Variants in ELL2 observed in about 807,000 individuals in gnomAD.
The protein encoded by ELL2 is RNA polymerase II elongation factor ELL2.
A neutral mutation model predicts 72.8 loss-of-function variants in ELL2; 21 were observed. The observed-to-expected ratio is 0.29, with a 90% CI of 0.20 to 0.42. ELL2 has a LOEUF of 0.42. Ranked by LOEUF, ELL2 falls within the 10% of genes least tolerant of loss-of-function variation. ELL2 has a pLI of 1.00. For missense variants in ELL2, 568 were observed against 772.8 expected, an observed-to-expected ratio of 0.73 and a Z score of 3.14; for synonymous variants, 266 against 283.2, an observed-to-expected ratio of 0.94 and a Z score of 0.61.
chr5:95,906,393 A>C, intron 5 of ELL2, 130 bp downstream of exon 5: 2 of 960,684 alleles, frequency 2.1e-6, no homozygotes, highest in Non-Finnish European at 3.0e-6. Flanking sequence ...TGTATTTCAC[A>C]TACCACTGAT....
chr5:95,915,990 G>C (rs1365699221), intron 3 of ELL2, among the ~76,000 whole-genome samples: 5 of 151,880 alleles, frequency 3.3e-5, no homozygotes, highest in Admixed American at 2.6e-4. Context: ...TCTGGATGGA[G>C]GATAGATTGA....
rs1748528864 is a variant in ELL2 at position 95,888,229 on chromosome 5, C to T, written c.*642G>A. 1 of 152,574 alleles carries T rather than the reference C, an allele frequency of 6.6e-6. No homozygotes were observed. The highest frequency in any genetic ancestry group is 2.4e-5 in the African/African-American group (1 of 41,402). The allele number at this position is 152,574 out of a possible 1,614,324, so 9.5% of individuals were successfully genotyped here. A position where few individuals can be genotyped will look rare whatever the true frequency, so the allele number is the denominator to read the frequency against. On this transcript the variant is annotated 3_prime_UTR_variant, in exon 12 of 12. Transcript: ENST00000237853. ...ACACTATGTACACAACTAGCAAACA[C>T]CTTAAGGCAACCATTGCAATGGGGG...
Position 95,888,816 on chromosome 5 carries a change from G to A in ELL2, c.*55C>T. On this transcript the variant is annotated 3_prime_UTR_variant, in exon 12 of 12. Coordinates refer to ENST00000237853, the MANE Select transcript of ELL2 (RefSeq NM_012081.6). Reference sequence around the variant, plus strand: ...TTTAGAATCTAGAGCAACTCATTTGGAATTTTAAATAAATAAGCTTAAGTT... The same window carrying A: ...TTTAGAATCTAGAGCAACTCATTTGAAATTTTAAATAAATAAGCTTAAGTT... 1 of 1,305,960 alleles carries A rather than the reference G, an allele frequency of 7.7e-7. No individual in the cohort carries two copies. Among genetic ancestry groups the A allele is most frequent in the Non-Finnish European group, 1.0e-6 (1 of 953,318 alleles). 80.9% of individuals were successfully genotyped at this position (1,305,960 alleles called of 1,614,324 possible). A position where few individuals can be genotyped will look rare whatever the true frequency, so the allele number is the denominator to read the frequency against.
chr5:95,920,718 C>T (rs1298274075), intron 2 of ELL2, among the ~76,000 whole-genome samples: 2 of 152,074 alleles, frequency 1.3e-5, no homozygotes, highest in Non-Finnish European at 2.9e-5. Flanking sequence ...GTGTCTGAAA[C>T]CTTTCCTCCC....
chr5:95,909,855 G>A (rs1247412285), intron 4 of ELL2, among the ~76,000 whole-genome samples: 2 of 152,176 alleles, frequency 1.3e-5, no homozygotes, highest in Non-Finnish European at 2.9e-5. Context: ...AGTCTGAAAG[G>A]AAGGTGTTAA....
chr5:95,954,715 C>T lies in ELL2; in HGVS notation c.147+6860G>A, dbSNP rs193140487. The stretch of plus-strand genomic sequence containing the variant: ...TAGGCCTCCCAAAGTGCTGGGATTA[C>T]AGGCATGAGCCACTGCGCCCGGCCA... On this transcript the variant is annotated intron_variant, in intron 1 of 11. Coordinates refer to ENST00000237853, the MANE Select transcript of ELL2 (RefSeq NM_012081.6). 1.4e-4 allele frequency among the ~76,000 whole-genome samples: 21 copies of T among 148,534 alleles called. No individual in the cohort carries two copies. The East Asian group carries it at 3.9e-3, about 28-fold the overall frequency.
intron 1 of ELL2, among the ~76,000 whole-genome samples, chr5:95,958,162 G>A (rs1378920341): frequency 1.3e-5 from 2 of 152,128 alleles, no homozygotes; most frequent in African/African-American, 4.8e-5. Context: ...TTTTATATGA[G>A]AAATTAAAAC....
chr5:95,904,970 T>C (rs1423514839), intron 5 of ELL2, among the ~76,000 whole-genome samples: 1 of 152,164 alleles, frequency 6.6e-6, no homozygotes, highest in Non-Finnish European at 1.5e-5. Context: ...TGTTAGCCTT[T>C]CTGTGTTTTC....
chr5:95,929,780 G>T (rs1181559625), intron 2 of ELL2, among the ~76,000 whole-genome samples: 1 of 147,656 alleles, frequency 6.8e-6, no homozygotes, highest in African/African-American at 2.5e-5. Context: ...GAAAGGAAGG[G>T]TAAAAAAAAA....
chr5:95,889,248 G>A, intron 10 of ELL2, 118 bp from the exon 11 acceptor site: 1 of 834,132 alleles, frequency 1.2e-6, no homozygotes, highest in Non-Finnish European at 1.9e-6. Flanking sequence ...AATGTAACTT[G>A]AAACAATCTT....
rs1751607463 is a variant in ELL2, at chr5:95,955,792, A to C, written c.147+5783T>G. Among the ~76,000 whole-genome samples, 4 of 152,030 alleles carry C rather than the reference A, an allele frequency of 2.6e-5. No individual in the cohort carries two copies. The South Asian group carries it at 8.3e-4, about 32-fold the overall frequency. ...TCATCTTCAGTGTAGGAATGTCCATAATATCACATTTTAGGGACATTTTCT... is the reference window on the plus strand; with the variant it reads ...TCATCTTCAGTGTAGGAATGTCCATCATATCACATTTTAGGGACATTTTCT... On this transcript the variant is annotated intron_variant, in intron 1 of 11. Coordinates refer to ENST00000237853, the MANE Select transcript of ELL2 (RefSeq NM_012081.6).
Position 95,895,757 on chromosome 5 carries a change from C to T in ELL2, c.1526-66G>A, listed in dbSNP as rs1748850895. 2.5e-6 allele frequency: 3 copies of T among 1,223,376 alleles called. No individual in the cohort carries two copies. The South Asian group carries it at 3.7e-5, about 15-fold the overall frequency. 75.8% of individuals were successfully genotyped at this position (1,223,376 alleles called of 1,614,324 possible). ...CGAAGGTTATCAAATGCCTGTAATT[C>T]TAAAATAGATTAGAAACATCTGGAA... is the stretch of plus-strand genomic sequence containing the variant. On this transcript the variant is annotated intron_variant, in intron 8 of 11. Transcript: ENST00000237853.
chr5:95,961,351 G>A (rs977541366), intron 1 of ELL2, among the ~76,000 whole-genome samples: 3 of 151,798 alleles, frequency 2.0e-5, no homozygotes, highest in African/African-American at 7.2e-5. Flanking sequence ...GGCTGCCTCG[G>A]CCCCGCCGCC....
At chr5:95,940,276 T>A (rs1750923239) in intron 2 of ELL2, among the ~76,000 whole-genome samples, 1 of 152,212 alleles carries the variant, frequency 6.6e-6, no homozygotes, top group Non-Finnish European at 1.5e-5. Flanking sequence ...TCAATGACTT[T>A]CAGAATTTCT....
intron 1 of ELL2, among the ~76,000 whole-genome samples, chr5:95,951,380 AAAATAAATAAAT>A (rs566594776): frequency 2.0e-5 from 3 of 151,324 alleles, no homozygotes; most frequent in African/African-American, 4.9e-5. Context: ...AAAATAAAAT[AAAATAAATAAAT>A]AAATAAATAA....
At chr5:95,914,029 C>T (rs561176486) in intron 3 of ELL2, 95 bp from the exon 4 acceptor site, 2 of 1,176,790 alleles carry the variant, frequency 1.7e-6, no homozygotes, top group African/African-American at 1.6e-5. Flanking sequence ...AGCAGCCCAA[C>T]TAAGTTTGCA....
intron 1 of ELL2, among the ~76,000 whole-genome samples, chr5:95,955,868 C>G (rs76184803): frequency 0.015 from 2,284 of 151,894 alleles, 58 homozygotes; most frequent in African/African-American, 0.051. Flanking sequence ...TGGGCTGGAT[C>G]TAGTGCCGGG....
chr5:95,892,198 G>A (rs1016792732), intron 9 of ELL2, among the ~76,000 whole-genome samples: 1 of 151,242 alleles, frequency 6.6e-6, no homozygotes, highest in African/African-American at 2.4e-5. Flanking sequence ...CCAGGCCAGA[G>A]GGCAGTGGCG....
chr5:95,943,891 A>G (rs369134697), intron 1 of ELL2, among the ~76,000 whole-genome samples: 3 of 152,216 alleles, frequency 2.0e-5, no homozygotes, highest in African/African-American at 7.2e-5. Flanking sequence ...TCCTGTATTC[A>G]AAGTCACCAG....
Sources: allele counts gnomAD v4.1 joint callset (sites outside exome capture counted in the v4.1 genomes callset), GRCh38; gene constraint gnomAD v4.1.1; transcripts MANE v1.5; gene names NCBI Gene and HGNC (gene_info 2026-07-23, HGNC 2026-07-21).